The following FLT4 variants were observed in gnomAD, a reference collection of about 807,000 sequenced individuals.
The protein encoded by FLT4 is vascular endothelial growth factor receptor 3.
A neutral mutation model predicts 163.2 loss-of-function variants in FLT4; 30 were observed. That is an observed-to-expected ratio of 0.18 (90% CI 0.14 to 0.25). The LOEUF (loss-of-function observed/expected upper bound fraction) is 0.25. Among genes scored for constraint, FLT4 ranks in the 10% least tolerant of loss-of-function variants. The pLI is 1.00. For missense variants in FLT4, 1,510 were observed against 1,863.8 expected (o/e 0.81, Z 3.50); for synonymous variants, 884 against 789.5 (o/e 1.12, Z -2.01).
At chr5:180,608,486 T>C (rs1761927819) in intron 29 of FLT4, among the ~76,000 whole-genome samples, 1 of 152,208 alleles carries the variant, frequency 6.6e-6, no homozygotes, top group African/African-American at 2.4e-5. Flanking sequence ...TATCTCTGTC[T>C]TGTGTCTTTC....
intron 29 of FLT4, among the ~76,000 whole-genome samples, chr5:180,607,015 T>G (rs975777742): frequency 1.3e-5 from 2 of 151,522 alleles, no homozygotes; most frequent in Admixed American, 1.3e-4. Context: ...GAGGTGGAGG[T>G]TGCGGTGAGC....
At chr5:180,647,146 C>T (rs373687648) in intron 1 of FLT4, among the ~76,000 whole-genome samples, 20 of 152,284 alleles carry the variant, frequency 1.3e-4, no homozygotes, top group African/African-American at 4.8e-4. Context: ...CCCAGCAGAC[C>T]CTGCTCCTGC....
At chr5:180,619,448 G>C (rs759499710) in intron 18 of FLT4, 82 bp from the exon 19 acceptor site, 2 of 1,110,794 alleles carry the variant, frequency 1.8e-6, no homozygotes, top group Non-Finnish European at 1.4e-6. Context: ...GGGAGGGGGA[G>C]GGTTACTAAG....
At chr5:180,606,904 A>AAC (rs113270896) in intron 29 of FLT4, among the ~76,000 whole-genome samples, 73,784 of 122,306 alleles carry the variant, frequency 0.6, 19,444 homozygotes, top group Admixed American at 0.69. Flanking sequence ...AAAAAAAAAA[A>AAC]AAAAAAAAAA....
At chr5:180,610,497 A>G (rs1387551206) in intron 27 of FLT4, among the ~76,000 whole-genome samples, 1 of 152,272 alleles carries the variant, frequency 6.6e-6, no homozygotes, top group Non-Finnish European at 1.5e-5. Flanking sequence ...GCAGAGGGAC[A>G]GGACGCAGAG....
At position 180,647,405 on chromosome 5, in the gene FLT4, G is replaced by A. The variant is rs1325778182; in HGVS notation, c.58+2083C>T. Among the ~76,000 whole-genome samples, 6 of 152,124 alleles carry A rather than the reference G, an allele frequency of 3.9e-5. No individual in the cohort carries two copies. The East Asian group carries it at 1.2e-3, about 29-fold the overall frequency. On this transcript the variant is annotated intron_variant, in intron 1 of 29. Transcript: ENST00000261937. ...TGGCTATGCTTGGGGAAACTGAGGT[G>A]CAGGGAGGGGAAAGGAGGGGGCCCA...
intron 23 of FLT4, among the ~76,000 whole-genome samples, 155 bp downstream of exon 23, chr5:180,616,212 G>A (rs1203771691): frequency 2.0e-5 from 3 of 152,200 alleles, no homozygotes. Context: ...GTCCCCTGGG[G>A]GCAGGAGGTC....
chr5:180,632,303 G>A (rs1764244433), intron 1 of FLT4, among the ~76,000 whole-genome samples: 1 of 152,082 alleles, frequency 6.6e-6, no homozygotes, highest in South Asian at 2.1e-4. Context: ...CTCTCTGCCA[G>A]GGGCCTCGCC....
intron 27 of FLT4, 42 bp from the exon 28 acceptor site, chr5:180,610,067 C>G: frequency 6.2e-7 from 1 of 1,612,962 alleles, no homozygotes; most frequent in South Asian, 1.1e-5. Context: ...CGCGCTGCAG[C>G]AACCCTCCTC....
Position 180,616,972 on chromosome 5 carries a change from C to T in FLT4, c.3024G>A (p.Pro1008=), listed in dbSNP as rs755584489. The T allele has an allele frequency of 3.1e-6, 5 of 1,613,194 alleles. No homozygotes were observed. The highest frequency in any genetic ancestry group is 2.2e-5 in the East Asian group (1 of 44,884). Residue 1008 remains proline, a synonymous_variant, in exon 22 of 30, where the codon CCG becomes CCA. Coordinates refer to ENST00000261937, the MANE Select transcript of FLT4 (RefSeq NM_182925.5). ...DQEAEDLWLS[P]LTMEDLVCYS... ...AGCAGACAAGATCTTCCATGGTCAGCGGGCTCAGCCACAGGTCCTCAGCTA... is the reference window on the plus strand; with the variant it reads ...AGCAGACAAGATCTTCCATGGTCAGTGGGCTCAGCCACAGGTCCTCAGCTA...
rs2127811276 is a variant in FLT4 at position 180,620,354 on chromosome 5, C to G, written c.2407-46G>C. The G allele has an allele frequency of 6.2e-7, 1 of 1,605,672 alleles. No individual in the cohort carries two copies. On this transcript the variant is annotated intron_variant, in intron 16 of 29. Transcript: ENST00000261937. This position sits in a 1 kb window ranked among gnomAD's most constrained non-coding sequence, Gnocchi z 4.4. ...GGAGTGGGGCAGCTCACTGATTTGG[C>G]CATACCACTGTGGCTTGGGCAGAAC...
chr5:180,619,028 GGGCTGAAGGCGTCCC>G lies in FLT4; in HGVS notation c.2828_2842del (p.Arg943_Ser947del). On this transcript the variant is annotated inframe_deletion, in exon 20 of 30. Transcript: ENST00000261937. ...CGCAGGCCGCCCGCTCACCGCGCAG[GGGCTGAAGGCGTCCC>G]GCTTGGCGCGCAGGAAGTTGGAGAG... 6.4e-7 allele frequency: 1 copy of G among 1,551,846 alleles called. No individual in the cohort carries two copies.
At chr5:180,637,855 AAATAATTACTTGGTTCCAC>A (rs1177563783) in intron 1 of FLT4, among the ~76,000 whole-genome samples, 3 of 152,126 alleles carry the variant, frequency 2.0e-5, no homozygotes, top group Admixed American at 2.0e-4. Context: ...AAACAAAACA[AAATAATTACTTGGTTCCAC>A]ACTCTCTTCC....
intron 1 of FLT4, among the ~76,000 whole-genome samples, chr5:180,632,035 C>A (rs895924826): frequency 6.6e-6 from 1 of 152,192 alleles, no homozygotes; most frequent in Non-Finnish European, 1.5e-5. Flanking sequence ...CAGCTACACA[C>A]CGGCCCTGGA....
Position 180,629,362 on chromosome 5 carries a change from G to A in FLT4, c.882C>T (p.Ile294=). The A allele has an allele frequency of 6.2e-7, 1 of 1,612,930 alleles. No individual in the cohort carries two copies. Among genetic ancestry groups the A allele is most frequent in the South Asian group, 1.1e-5 (1 of 91,072 alleles). The change falls in exon 7 of 30, where the codon ATC becomes ATT. Residue 294 remains isoleucine, a synonymous_variant. Transcript: ENST00000261937. ...GCTGGCTGACGTTGTGGATGGTCAGGATGCTGGAGAGTTCTGTGTGGGTCT... is the reference window on the plus strand; with the variant it reads ...GCTGGCTGACGTTGTGGATGGTCAGAATGCTGGAGAGTTCTGTGTGGGTCT... ...SQQTHTELSS[I]LTIHNVSQHD...
At chr5:180,622,931 C>CCCA (rs1554113602) in intron 11 of FLT4, 92 bp from the exon 12 acceptor site, 1 of 792,950 alleles carries the variant, frequency 1.3e-6, no homozygotes, top group Admixed American at 2.0e-5. Flanking sequence ...GTGCACCACC[C>CCCA]CCCCCAATCA....
chr5:180,620,125 G>A lies in FLT4; in HGVS notation c.2542+48C>T, dbSNP rs754415566. The A allele has an allele frequency of 2.5e-5, 39 of 1,582,980 alleles. No homozygotes were observed. The highest frequency in any genetic ancestry group is 1.1e-5 in the Non-Finnish European group (13 of 1,167,558). ...ATTCAGGCACTCCGGCCTGCAGCAGGTGGGTCGGGCAGGAGGTGTGGGTTG... is the reference window on the plus strand; with the variant it reads ...ATTCAGGCACTCCGGCCTGCAGCAGATGGGTCGGGCAGGAGGTGTGGGTTG... On this transcript the variant is annotated intron_variant, in intron 17 of 29. Transcript: ENST00000261937. The surrounding 1 kb of genome is among the most constrained non-coding windows in gnomAD (Gnocchi z 4.4).
chr5:180,629,999 T>G lies in FLT4; in HGVS notation c.620A>C (p.Glu207Ala). ...LLHDALYLQC[E>A]TTWGDQDFLS... ...GAAGTCCTGGTCTCCCCAGGTGGTC[T>G]CGCACTGCAGGTACAGGGCATCGTG... Residue 207 changes from glutamate (E) to alanine (A), a missense_variant, in exon 5 of 30, where the codon GAG (glutamate) becomes GCG (alanine). Around this residue, in one of 5 missense-constraint regions of FLT4, gnomAD observed 163 missense variants for 281.1 expected, o/e 0.58. Transcript: ENST00000261937. 2 of 1,612,826 alleles carry G rather than the reference T, an allele frequency of 1.2e-6. No individual in the cohort carries two copies. Among genetic ancestry groups the G allele is most frequent in the East Asian group, 4.5e-5 (2 of 44,880 alleles).
chr5:180,609,363 G>C, intron 28 of FLT4: 1 of 495,458 alleles, frequency 2.0e-6, no homozygotes. Flanking sequence ...GAAGCAGGGA[G>C]AGGCCTCACA....
Sources: allele counts gnomAD v4.1 joint callset (sites outside exome capture counted in the v4.1 genomes callset), GRCh38; gene constraint gnomAD v4.1.1; regional missense constraint gnomAD v4.1.1; non-coding constraint Gnocchi (gnomAD v3.1); transcripts MANE v1.5; gene names NCBI Gene and HGNC (gene_info 2026-07-23, HGNC 2026-07-21).